Variants in CSF2 observed in about 807,000 individuals in gnomAD.
The protein encoded by CSF2 is granulocyte-macrophage colony-stimulating factor.
A neutral mutation model predicts 13.5 loss-of-function variants in CSF2; 2 were observed. That is an observed-to-expected ratio of 0.15 (90% CI 0.06 to 0.47). CSF2 has a LOEUF of 0.47. CSF2 is among the 20% of genes least tolerant of loss of function. CSF2 has a pLI of 0.97. For synonymous variants in CSF2, 66 were observed against 69.2 expected (o/e 0.95, Z 0.23); for missense variants, 141 against 179.7 (o/e 0.78, Z 1.23).
chr5:132,074,049 G>C (rs1756669549), intron 1 of CSF2, 32 bp from the exon 2 acceptor site: 1 of 1,613,720 alleles, frequency 6.2e-7, no homozygotes, highest in African/African-American at 1.3e-5. Context: ...ACGCCTGTCA[G>C]CTTGATAACA....
chr5:132,074,020 A>C, intron 1 of CSF2, 38 bp downstream of exon 1: 1 of 1,613,764 alleles, frequency 6.2e-7, no homozygotes, highest in Non-Finnish European at 8.5e-7. Context: ...TAGGCCACCC[A>C]GCTGGCCCCT....
At position 132,074,955 on chromosome 5, in the gene CSF2, C is replaced by T. The variant is rs1318220492; in HGVS notation, c.327+20C>T. The T allele has an allele frequency of 6.2e-7, 1 of 1,613,002 alleles. No homozygotes were observed. On this transcript the variant is annotated intron_variant, in intron 3 of 3. Transcript: ENST00000296871. ...ACCCCGGTGAGTGCCTACGGCAGGGCCTCCAGCAGGAATGTCTTAATCTAG... is the reference window on the plus strand; with the variant it reads ...ACCCCGGTGAGTGCCTACGGCAGGGTCTCCAGCAGGAATGTCTTAATCTAG...
chr5:132,075,874 C>T lies in CSF2; in HGVS notation c.*22C>T. 1 of 1,544,114 alleles carries T rather than the reference C, an allele frequency of 6.5e-7. No homozygotes were observed. The highest frequency in any genetic ancestry group is 8.9e-7 in the Non-Finnish European group (1 of 1,123,480). ...GTGAGACCGGCCAGATGAGGCTGGCCAAGCCGGGGAGCTGCTCTCTCATGA... is the reference window on the plus strand; with the variant it reads ...GTGAGACCGGCCAGATGAGGCTGGCTAAGCCGGGGAGCTGCTCTCTCATGA... On this transcript the variant is annotated 3_prime_UTR_variant, in exon 4 of 4. Coordinates refer to ENST00000296871, the MANE Select transcript of CSF2 (RefSeq NM_000758.4).
At position 132,074,827 on chromosome 5, in the gene CSF2, G is replaced by A; in HGVS notation, c.219G>A (p.Gln73=). The change falls in exon 3 of 4, where the codon CAG becomes CAA. Residue 73 remains glutamine (Q), a synonymous_variant. Coordinates refer to ENST00000296871, the MANE Select transcript of CSF2 (RefSeq NM_000758.4). ...MFDLQEPTCL[Q]TRLELYKQGL... is the part of the protein sequence containing the mutation. Reference sequence around the variant, plus strand: ...TTCCACAGGAGCCGACCTGCCTACAGACCCGCCTGGAGCTGTACAAGCAGG... The same window carrying A: ...TTCCACAGGAGCCGACCTGCCTACAAACCCGCCTGGAGCTGTACAAGCAGG... 1 of 1,613,866 alleles carries A rather than the reference G, an allele frequency of 6.2e-7. No individual in the cohort carries two copies. Among genetic ancestry groups the A allele is most frequent in the African/African-American group, 1.3e-5 (1 of 75,058 alleles).
intron 3 of CSF2, among the ~76,000 whole-genome samples, 154 bp downstream of exon 3, chr5:132,075,089 C>G (rs1756685598): frequency 6.6e-6 from 1 of 152,226 alleles, no homozygotes; most frequent in Non-Finnish European, 1.5e-5. Flanking sequence ...AGGAGGCAGA[C>G]AGCCCATTTC....
intron 2 of CSF2, 128 bp downstream of exon 2, chr5:132,074,250 G>C: frequency 8.9e-7 from 1 of 1,117,820 alleles, no homozygotes; most frequent in South Asian, 1.3e-5. Context: ...GCAGGAGGAG[G>C]GGGTAGCAAC....
At chr5:132,074,206 C>CTGGAGAGAA in intron 2 of CSF2, 84 bp downstream of exon 2, 2 of 1,460,814 alleles carry the variant, frequency 1.4e-6, no homozygotes, top group Non-Finnish European at 1.9e-6. Flanking sequence ...TGGCACCACA[C>CTGGAGAGAA]AGGGTTGTCC....
chr5:132,074,391 T>A (rs1022903814), intron 2 of CSF2, among the ~76,000 whole-genome samples: 1 of 151,658 alleles, frequency 6.6e-6, no homozygotes, highest in African/African-American at 2.4e-5. Flanking sequence ...AAAGTGGGGG[T>A]CACTTCATGA....
chr5:132,075,766 A>T lies in CSF2; in HGVS notation c.349A>T (p.Ile117Phe). ...AAAGGAAACTTCCTGTGCAACCCAGATTATCACCTTTGAAAGTTTCAAAGA... is the reference window on the plus strand; with the variant it reads ...AAAGGAAACTTCCTGTGCAACCCAGTTTATCACCTTTGAAAGTTTCAAAGA... ...PTPETSCATQ[I>F]ITFESFKENL... Residue 117 changes from isoleucine to phenylalanine, a missense_variant, in exon 4 of 4, where the codon ATT becomes TTT. Coordinates refer to ENST00000296871, the MANE Select transcript of CSF2 (RefSeq NM_000758.4). 6.2e-7 allele frequency: 1 copy of T among 1,609,784 alleles called. No individual in the cohort carries two copies. The highest frequency in any genetic ancestry group is 8.5e-7 in the Non-Finnish European group (1 of 1,179,742).
intron 3 of CSF2, among the ~76,000 whole-genome samples, chr5:132,075,188 G>A (rs1214685048): frequency 6.6e-6 from 1 of 152,104 alleles, no homozygotes; most frequent in Admixed American, 6.5e-5. Context: ...TGTCATTATG[G>A]TTAATGAGGT....
chr5:132,073,841 G>C lies in CSF2; in HGVS notation c.18G>C (p.Leu6=). The C allele has an allele frequency of 6.2e-7, 1 of 1,612,672 alleles. No homozygotes were observed. Among genetic ancestry groups the C allele is most frequent in the African/African-American group, 1.3e-5 (1 of 75,050 alleles). MWLQS[L]LLLGTVACSI... The stretch of plus-strand genomic sequence containing the variant: ...TCTGGAGGATGTGGCTGCAGAGCCT[G>C]CTGCTCTTGGGCACTGTGGCCTGCA... Residue 6 remains leucine, a synonymous_variant, in exon 1 of 4, where the codon CTG becomes CTC. Transcript: ENST00000296871.
At chr5:132,074,634 AAGGGCAGGTTCGTGCCTGCCATGGAC>A (rs1217086705) in intron 2 of CSF2, among the ~76,000 whole-genome samples, 150 bp from the exon 3 acceptor site, 1 of 152,080 alleles carries the variant, frequency 6.6e-6, no homozygotes, top group Non-Finnish European at 1.5e-5. Flanking sequence ...GGGCAGTGAG[AAGGGCAGGTTCGTGCCTGCCATGGAC>A]AGGGCAGGGT....
In CSF2 at chr5:132,074,954, G is replaced by C. The variant is rs369156496; in HGVS notation, c.327+19G>C. 184 of 1,613,048 alleles carry C rather than the reference G, an allele frequency of 1.1e-4. No individual in the cohort carries two copies. In the African/African-American group the frequency reaches 2.1e-3, roughly 18 times the overall value. On this transcript the variant is annotated intron_variant, in intron 3 of 3. Coordinates refer to ENST00000296871, the MANE Select transcript of CSF2 (RefSeq NM_000758.4). ...AACCCCGGTGAGTGCCTACGGCAGG[G>C]CCTCCAGCAGGAATGTCTTAATCTA... is the stretch of plus-strand genomic sequence containing the variant.
rs1188850610 is a variant in CSF2 at position 132,075,690 on chromosome 5, C to G, written c.328-55C>G. 2.2e-6 allele frequency: 3 copies of G among 1,336,670 alleles called. No homozygotes were observed. The African/African-American group carries it at 4.3e-5, about 19-fold the overall frequency. The allele number at this position is 1,336,670 out of a possible 1,614,324, so 82.8% of individuals were successfully genotyped here. A position where few individuals can be genotyped will look rare whatever the true frequency, so the allele number is the denominator to read the frequency against. Reference sequence around the variant, plus strand: ...GAGAAACATGCTGGTGCTTCCTTCCCCCACGTTACCCACTTGCCTGGACTC... The same window carrying G: ...GAGAAACATGCTGGTGCTTCCTTCCGCCACGTTACCCACTTGCCTGGACTC... On this transcript the variant is annotated intron_variant, in intron 3 of 3. Coordinates refer to ENST00000296871, the MANE Select transcript of CSF2 (RefSeq NM_000758.4).
rs756343033 is a variant in CSF2 at position 132,074,814 on chromosome 5, C to T, written c.206C>T (p.Pro69Leu). The change falls in exon 3 of 4, where the codon CCG (proline) becomes CTG (leucine). Residue 69 changes from proline (P) to leucine (L), a missense_variant. By Grantham distance (98) the Pro-to-Leu change is moderately conservative. Coordinates refer to ENST00000296871, the MANE Select transcript of CSF2 (RefSeq NM_000758.4). ...GACGAACGACATTTTCCACAGGAGC[C>T]GACCTGCCTACAGACCCGCCTGGAG... ...VISEMFDLQE[P>L]TCLQTRLELY... 17 of 1,613,730 alleles carry T rather than the reference C, an allele frequency of 1.1e-5. No individual in the cohort carries two copies. The highest frequency in any genetic ancestry group is 5.0e-5 in the Admixed American group (3 of 60,006).
chr5:132,075,189 TTAA>T (rs1756686937), intron 3 of CSF2, among the ~76,000 whole-genome samples: 1 of 152,044 alleles, frequency 6.6e-6, no homozygotes, highest in South Asian at 2.1e-4. Context: ...GTCATTATGG[TTAA>T]TGAGGTCAGA....
Position 132,073,856 on chromosome 5 carries a change from T to C in CSF2, c.33T>C (p.Thr11=), listed in dbSNP as rs201520008. The C allele has an allele frequency of 1.1e-5, 17 of 1,612,876 alleles. No homozygotes were observed. Among genetic ancestry groups the C allele is most frequent in the Middle Eastern group, 1.7e-4 (1 of 5,828 alleles). The change falls in exon 1 of 4, where the codon ACT becomes ACC. Residue 11 remains threonine (T), a synonymous_variant. Coordinates refer to ENST00000296871, the MANE Select transcript of CSF2 (RefSeq NM_000758.4). MWLQSLLLLG[T]VACSISAPAR... is the part of the protein sequence containing the mutation. ...TGCAGAGCCTGCTGCTCTTGGGCAC[T>C]GTGGCCTGCAGCATCTCTGCACCCG...
rs1756665975 is a variant in CSF2 at position 132,073,858 on chromosome 5, T to C, written c.35T>C (p.Val12Ala). 1.2e-6 allele frequency: 2 copies of C among 1,612,860 alleles called. No homozygotes were observed. The highest frequency in any genetic ancestry group is 1.7e-6 in the Non-Finnish European group (2 of 1,180,032). Residue 12 changes from valine (V) to alanine (A), a missense_variant, in exon 1 of 4, where the codon GTG (valine) becomes GCG (alanine). Val to Ala is a moderately conservative substitution (Grantham distance 64, BLOSUM62 0). Transcript: ENST00000296871. ...WLQSLLLLGT[V>A]ACSISAPARS... is the part of the protein sequence containing the mutation. The stretch of plus-strand genomic sequence containing the variant: ...CAGAGCCTGCTGCTCTTGGGCACTG[T>C]GGCCTGCAGCATCTCTGCACCCGCC...
chr5:132,073,822 G>T lies in CSF2; in HGVS notation c.-2G>T, dbSNP rs1391887154. The T allele has an allele frequency of 3.1e-6, 5 of 1,612,240 alleles. No individual in the cohort carries two copies. The highest frequency in any genetic ancestry group is 4.2e-6 in the Non-Finnish European group (5 of 1,180,018). On this transcript the variant is annotated 5_prime_UTR_variant, in exon 1 of 4. It adds an upstream start codon to the 5' untranslated region. Coordinates refer to ENST00000296871, the MANE Select transcript of CSF2 (RefSeq NM_000758.4). ...GAGAGAAAGGCTAAAGTTCTCTGGA[G>T]GATGTGGCTGCAGAGCCTGCTGCTC... is the stretch of plus-strand genomic sequence containing the variant.
Sources: gnomAD v4.1 joint callset for allele counts (sites outside exome capture counted in the v4.1 genomes callset) on GRCh38, gnomAD v4.1.1 for gene constraint, MANE v1.5 for transcripts, NCBI Gene and HGNC (gene_info 2026-07-23, HGNC 2026-07-21) for gene names.